The following CRADD variants were observed in gnomAD, a reference collection of about 807,000 sequenced individuals.
CRADD encodes the protein death domain-containing protein CRADD.
CRADD carries 9 observed loss-of-function variants against 15.5 expected under a neutral mutation model. The observed-to-expected ratio is 0.58, with a 90% CI of 0.35 to 1.01. The LOEUF is 1.01. CRADD is among the 50% of genes least tolerant of loss of function. The pLI is 0.02. For missense variants in CRADD, 227 were observed against 250.3 expected (o/e 0.91, Z 0.63); for synonymous variants, 118 against 107.6 (o/e 1.10, Z -0.60).
At chr12:93,857,153 C>T (rs61927331) in intron 2 of CRADD, among the ~76,000 whole-genome samples, 1 of 151,182 alleles carries the variant, frequency 6.6e-6, no homozygotes, top group African/African-American at 2.4e-5. Flanking sequence ...AAAAAAAACC[C>T]AACATCTTGG....
At chr12:93,754,489 T>C (rs1236988849) in intron 2 of CRADD, among the ~76,000 whole-genome samples, 1 of 152,220 alleles carries the variant, frequency 6.6e-6, no homozygotes, top group East Asian at 1.9e-4. Flanking sequence ...TATGCTCTGC[T>C]TCCTCTTGAA....
chr12:93,686,645 G>A (rs1955448691), intron 2 of CRADD, among the ~76,000 whole-genome samples: 1 of 152,154 alleles, frequency 6.6e-6, no homozygotes, highest in Non-Finnish European at 1.5e-5. Flanking sequence ...CCATATCCTG[G>A]TATTATGAAT....
Position 93,882,191 on chromosome 12 carries a change from G to A in CRADD, c.299-11859G>A, listed in dbSNP as rs111256753. ...AATCCCAGCACTTTGGGAGGCCGAG[G>A]TGGGTGGATCACAAGGTCAGGAGTT... On this transcript the variant is annotated intron_variant, in intron 2 of 2. Coordinates refer to the CRADD transcript ENST00000548483. 7.5e-3 allele frequency among the ~76,000 whole-genome samples: 1,145 copies of A among 152,072 alleles called. 27 individuals are homozygous for A. The highest frequency in any genetic ancestry group is 0.032 in the Admixed American group (481 of 15,260).
chr12:93,721,089 A>G (rs1956252564), intron 2 of CRADD, among the ~76,000 whole-genome samples: 1 of 152,084 alleles, frequency 6.6e-6, no homozygotes, highest in Non-Finnish European at 1.5e-5. Context: ...TATAAAGTAT[A>G]CTTGTTTTTA....
intron 2 of CRADD, among the ~76,000 whole-genome samples, chr12:93,707,232 T>C (rs1592907587): frequency 6.6e-6 from 1 of 152,214 alleles, no homozygotes; most frequent in East Asian, 1.9e-4. Context: ...AGTAGTGATA[T>C]AATTCTGTTT....
At chr12:93,712,931 T>C (rs73361507) in intron 2 of CRADD, among the ~76,000 whole-genome samples, 6,312 of 152,118 alleles carry the variant, frequency 0.041, 418 homozygotes, top group African/African-American at 0.14. Flanking sequence ...GGTGGCAGAA[T>C]TGAGAATAAA....
intron 2 of CRADD, among the ~76,000 whole-genome samples, chr12:93,776,524 T>C (rs1446295838): frequency 6.6e-6 from 1 of 152,158 alleles, no homozygotes; most frequent in African/African-American, 2.4e-5. Context: ...AAAGAGGACT[T>C]GAAGCCAGAG....
intron 2 of CRADD, chr12:93,816,022 T>C (rs1365817856): frequency 4.6e-5 from 7 of 152,184 alleles, no homozygotes; most frequent in Non-Finnish European, 8.8e-5. Context: ...AATAGAAATA[T>C]CATGCAAGCC....
At chr12:93,736,212 A>G (rs1956566061) in intron 2 of CRADD, among the ~76,000 whole-genome samples, 1 of 152,200 alleles carries the variant, frequency 6.6e-6, no homozygotes, top group Non-Finnish European at 1.5e-5. Context: ...CTCAAAGCAG[A>G]ATCATGGCAA....
chr12:93,724,626 A>G (rs1177427314), intron 2 of CRADD, among the ~76,000 whole-genome samples: 1 of 152,172 alleles, frequency 6.6e-6, no homozygotes, highest in Non-Finnish European at 1.5e-5. Flanking sequence ...TGCCTTTGAA[A>G]AAAGTCAGGT....
At position 93,879,598 on chromosome 12, in the gene CRADD, C is replaced by A. The variant is rs115288742; in HGVS notation, c.299-14452C>A. ...CAGGTGGGGGAGGCCAGCAGGTTGC[C>A]CTCAAATAAACAAGTAGGGAAAGTT... On this transcript the variant is annotated intron_variant, in intron 2 of 2. Coordinates refer to the CRADD transcript ENST00000548483. Among the ~76,000 whole-genome samples, 687 of 152,228 alleles carry A rather than the reference C, an allele frequency of 4.5e-3. 7 individuals carry two copies. Among genetic ancestry groups the A allele is most frequent in the African/African-American group, 0.016 (652 of 41,526 alleles).
At chr12:93,758,190 C>G (rs948807349) in intron 2 of CRADD, among the ~76,000 whole-genome samples, 10 of 152,158 alleles carry the variant, frequency 6.6e-5, no homozygotes, top group Admixed American at 2.6e-4. Flanking sequence ...AGAATTAAAA[C>G]CAGTCTCTAC....
chr12:93,817,490 C>T (rs2137014756), intron 2 of CRADD, among the ~76,000 whole-genome samples: 1 of 152,264 alleles, frequency 6.6e-6, no homozygotes. Flanking sequence ...GCAACTCCTC[C>T]AAGGTCACAG....
chr12:93,817,342 G>C (rs933182776), intron 2 of CRADD, among the ~76,000 whole-genome samples: 16 of 152,154 alleles, frequency 1.1e-4, no homozygotes, highest in Non-Finnish European at 1.8e-4. Flanking sequence ...AGTCGGGTTC[G>C]GGACAGGGAA....
At chr12:93,732,548 C>G (rs146673535) in intron 2 of CRADD, among the ~76,000 whole-genome samples, 49 of 151,954 alleles carry the variant, frequency 3.2e-4, no homozygotes, top group African/African-American at 1.2e-3. Flanking sequence ...GTTTTTTGAC[C>G]CTGTTCTTCT....
intron 2 of CRADD, among the ~76,000 whole-genome samples, chr12:93,813,851 A>G (rs576784789): frequency 1.3e-5 from 2 of 152,160 alleles, no homozygotes; most frequent in Non-Finnish European, 2.9e-5. Context: ...AGAGGAGAGA[A>G]AGAAAGAAGA....
At chr12:93,854,177 A>T (rs1565940467), downstream of CRADD, among the ~76,000 whole-genome samples, 1 of 152,128 alleles carries the variant, frequency 6.6e-6, no homozygotes, top group Non-Finnish European at 1.5e-5. Flanking sequence ...GATCTGGGCC[A>T]GCTCAGCTGA....
intron 2 of CRADD, chr12:93,859,415 C>T: frequency 4.4e-6 from 2 of 452,844 alleles, no homozygotes; most frequent in South Asian, 3.2e-5. Flanking sequence ...GGCCTCGTTA[C>T]CTGTGTGGAG....
intron 2 of CRADD, among the ~76,000 whole-genome samples, chr12:93,752,977 A>T (rs1242054426): frequency 6.6e-6 from 1 of 152,182 alleles, no homozygotes; most frequent in African/African-American, 2.4e-5. Context: ...AGATCTTGTG[A>T]GACTGATCCA....
Sources: allele counts gnomAD v4.1 joint callset (sites outside exome capture counted in the v4.1 genomes callset), GRCh38; gene constraint gnomAD v4.1.1; transcripts MANE v1.5; gene names NCBI Gene and HGNC (gene_info 2026-07-23, HGNC 2026-07-21).